Variants in TDP2 observed in about 807,000 individuals in gnomAD.
TDP2 encodes 5'-Tyr-DNA phosphodiesterase.
TDP2 carries 38 observed loss-of-function variants against 42.8 expected under a neutral mutation model. The observed-to-expected ratio is 0.89, with a 90% CI of 0.68 to 1.16. The LOEUF (loss-of-function observed/expected upper bound fraction) is 1.16. Ranked by LOEUF, TDP2 falls within the 50% of genes most tolerant of loss-of-function variation. TDP2 has a pLI of 0.00. For synonymous variants in TDP2, 173 were observed against 150.6 expected, an observed-to-expected ratio of 1.15 and a Z score of -1.09; for missense variants, 439 against 439.3, an observed-to-expected ratio of 1.00 and a Z score of 0.01.
chr6:24,653,301 AAAG>A (rs1470410664), intron 5 of TDP2, 148 bp from the exon 6 acceptor site: 38 of 856,692 alleles, frequency 4.4e-5, no homozygotes, highest in Non-Finnish European at 6.3e-5. Context: ...CTCCGGATCA[AAAG>A]AAGTATTAAA....
chr6:24,664,951 A>G (rs1345964748), intron 2 of TDP2, among the ~76,000 whole-genome samples: 3 of 152,212 alleles, frequency 2.0e-5, no homozygotes, highest in African/African-American at 4.8e-5. Flanking sequence ...CTGAGGGCCT[A>G]TTACAGGAAA....
intron 2 of TDP2, among the ~76,000 whole-genome samples, chr6:24,664,329 A>AT (rs5874998): frequency 0.44 from 59,680 of 136,506 alleles, 12,656 homozygotes; most frequent in Non-Finnish European, 0.5. Context: ...TGCACAGCTA[A>AT]TAAAAAAAAA....
chr6:24,665,581 A>C (rs891384611), intron 2 of TDP2, among the ~76,000 whole-genome samples: 1 of 152,258 alleles, frequency 6.6e-6, no homozygotes, highest in Non-Finnish European at 1.5e-5. Context: ...TTATACATTC[A>C]GTAAATATTT....
Position 24,653,026 on chromosome 6 carries a change from G to A in TDP2, c.764C>T (p.Ala255Val). 6.2e-7 allele frequency: 1 copy of A among 1,613,954 alleles called. No homozygotes were observed. Among genetic ancestry groups the A allele is most frequent in the Non-Finnish European group, 8.5e-7 (1 of 1,180,022 alleles). ...LKKMQEAPES[A>V]TVIFAGDTNL... ...TGTATCTCCTGCAAATATAACTGTA[G>A]CTGACTCTGGAGCCTCTTGCATTTT... The change falls in exon 6 of 7, where the codon GCT becomes GTT. Residue 255 changes from alanine (A) to valine (V), a missense_variant. Transcript: ENST00000378198.
chr6:24,663,739 G>A (rs1370389425), intron 2 of TDP2, among the ~76,000 whole-genome samples: 3 of 152,090 alleles, frequency 2.0e-5, no homozygotes, highest in African/African-American at 7.2e-5. Context: ...AAATCTTCCT[G>A]AGGCCCAGCA....
intron 2 of TDP2, among the ~76,000 whole-genome samples, chr6:24,662,295 G>A (rs1778163401): frequency 6.6e-6 from 1 of 152,052 alleles, no homozygotes. Context: ...TGAGAAAAGA[G>A]GAAGGCATCT....
At chr6:24,657,517 GATT>G in intron 4 of TDP2, among the ~76,000 whole-genome samples, 1 of 152,176 alleles carries the variant, frequency 6.6e-6, no homozygotes, top group Non-Finnish European at 1.5e-5. Flanking sequence ...ACCACAATGT[GATT>G]ATTTCAGTTA....
chr6:24,658,688 T>C lies in TDP2; in HGVS notation c.298A>G (p.Ile100Val). The C allele has an allele frequency of 6.2e-7, 1 of 1,613,894 alleles. No homozygotes were observed. The highest frequency in any genetic ancestry group is 1.7e-5 in the Admixed American group (1 of 60,006). The change falls in exon 3 of 7, where the codon ATC becomes GTC. Residue 100 changes from isoleucine to valine, a missense_variant. Ile to Val is a conservative substitution (Grantham distance 29). Coordinates refer to ENST00000378198, the MANE Select transcript of TDP2 (RefSeq NM_016614.3). The part of the protein sequence containing the change: ...EETTDSTTSK[I>V]SPSEDTQQEN... ...TGCTGAGTATCTTCAGATGGGCTGA[T>C]TTTAGAAGTGGTGGAATCAGTTGTT...
At chr6:24,661,355 G>GTTAT (rs1223240298) in intron 2 of TDP2, among the ~76,000 whole-genome samples, 3 of 152,052 alleles carry the variant, frequency 2.0e-5, no homozygotes, top group Non-Finnish European at 4.4e-5. Context: ...TGTTGCTTGG[G>GTTAT]TTATACCAGA....
At chr6:24,654,894 C>A (rs3181235) in intron 4 of TDP2, among the ~76,000 whole-genome samples, 1 of 152,114 alleles carries the variant, frequency 6.6e-6, no homozygotes, top group Non-Finnish European at 1.5e-5. Context: ...CAAAATTAGT[C>A]GGGCGTGGTG....
intron 2 of TDP2, among the ~76,000 whole-genome samples, chr6:24,665,584 A>G (rs1053520398): frequency 6.6e-6 from 1 of 152,268 alleles, no homozygotes; most frequent in Non-Finnish European, 1.5e-5. Flanking sequence ...TACATTCAGT[A>G]AATATTTATT....
intron 2 of TDP2, among the ~76,000 whole-genome samples, chr6:24,661,858 A>G (rs533666668): frequency 6.6e-6 from 1 of 152,294 alleles, no homozygotes; most frequent in African/African-American, 2.4e-5. Context: ...GTGTCTATGT[A>G]GAAAGAGGAA....
chr6:24,652,006 C>CATT (rs1777983697), intron 6 of TDP2, among the ~76,000 whole-genome samples: 1 of 152,198 alleles, frequency 6.6e-6, no homozygotes, highest in South Asian at 2.1e-4. Flanking sequence ...ACTCTGTACC[C>CATT]ATTAAACACC....
Position 24,666,752 on chromosome 6 carries a change from G to A in TDP2, c.111C>T (p.Ser37=), listed in dbSNP as rs368460491. The A allele has an allele frequency of 3.8e-5, 62 of 1,614,280 alleles. 2 individuals carry two copies. In the South Asian group the frequency reaches 4.1e-4, roughly 11 times the overall value. Residue 37 remains serine (S), a synonymous_variant, in exon 1 of 7, where the codon AGC becomes AGT. Coordinates refer to ENST00000378198, the MANE Select transcript of TDP2 (RefSeq NM_016614.3). ...AGCACTGAGCCACTGCGGCATCGCA[G>A]CTTGCGACCGAGGCAAACTCCACAC... ...LLCVEFASVA[S]CDAAVAQCFL...
rs1777944353 is a variant in TDP2 at position 24,650,002 on chromosome 6, AT to A, written c.*785del. On this transcript the variant is annotated 3_prime_UTR_variant, in exon 7 of 7. Transcript: ENST00000378198. ...TAAACAAATAAAATTCTTTATTTAA[AT>A]TTCTCTTGTGGGGAAAATATTTTTC... 6.6e-6 allele frequency: 1 copy of A among 152,222 alleles called. No individual in the cohort carries two copies. Among genetic ancestry groups the A allele is most frequent in the Admixed American group, 6.5e-5 (1 of 15,286 alleles). 9.4% of individuals were successfully genotyped at this position (152,222 alleles called of 1,614,324 possible).
At chr6:24,651,581 T>G (rs896663702) in intron 6 of TDP2, among the ~76,000 whole-genome samples, 1 of 149,266 alleles carries the variant, frequency 6.7e-6, no homozygotes, top group African/African-American at 2.5e-5. Flanking sequence ...ATACAAGATT[T>G]ATCATTTTAA....
intron 5 of TDP2, 134 bp from the exon 6 acceptor site, chr6:24,653,287 A>G (rs1778002944): frequency 1.1e-6 from 1 of 896,652 alleles, no homozygotes; most frequent in African/African-American, 1.7e-5. Flanking sequence ...CACTATGCCT[A>G]TCCCTCCGGA....
chr6:24,662,068 C>T (rs777720772), intron 2 of TDP2, among the ~76,000 whole-genome samples: 11 of 152,128 alleles, frequency 7.2e-5, no homozygotes, highest in Non-Finnish European at 1.5e-4. Context: ...AAAGTCATCG[C>T]CATTCTCCAG....
chr6:24,655,597 G>T (rs1287607158), intron 4 of TDP2, among the ~76,000 whole-genome samples: 1 of 152,112 alleles, frequency 6.6e-6, no homozygotes, highest in Non-Finnish European at 1.5e-5. Flanking sequence ...GTTTTACATA[G>T]AACTAAATTT....
Sources: gnomAD v4.1 joint callset for allele counts (sites outside exome capture counted in the v4.1 genomes callset) on GRCh38, gnomAD v4.1.1 for gene constraint, MANE v1.5 for transcripts, NCBI Gene and HGNC (gene_info 2026-07-23, HGNC 2026-07-21) for gene names.